ATP6V0A4: variants seen among roughly 807,000 people sequenced by gnomAD.
ATP6V0A4 encodes the protein ATPase H+ transporting V0 subunit a4, also known as V-type proton ATPase 116 kDa subunit a 4.
In ATP6V0A4, 86 loss-of-function variants were observed where a neutral mutation model predicts 107.3. The observed-to-expected ratio is 0.80, with a 90% CI of 0.67 to 0.96. The LOEUF (loss-of-function observed/expected upper bound fraction) is 0.96, where lower values mean the gene tolerates loss of function less well. Ranked by LOEUF, ATP6V0A4 falls within the 40% of genes least tolerant of loss-of-function variation. ATP6V0A4 has a pLI of 0.00. For synonymous variants in ATP6V0A4, 353 were observed against 381.4 expected (o/e 0.93, Z 0.87); for missense variants, 908 against 1,045.6 (o/e 0.87, Z 1.81).
At chr7:138,760,401 C>T (rs1228476515) in intron 7 of ATP6V0A4, among the ~76,000 whole-genome samples, 1 of 145,444 alleles carries the variant, frequency 6.9e-6, no homozygotes, top group Non-Finnish European at 1.5e-5. Flanking sequence ...CAAGAATGTG[C>T]CATTGCACTC....
intron 5 of ATP6V0A4, among the ~76,000 whole-genome samples, chr7:138,767,339 A>G (rs1213876385): frequency 6.6e-6 from 1 of 152,134 alleles, no homozygotes; most frequent in Non-Finnish European, 1.5e-5. Flanking sequence ...CCTGGACAAC[A>G]TGGTGAAACC....
At chr7:138,750,735 C>T (rs1806180978) in intron 11 of ATP6V0A4, among the ~76,000 whole-genome samples, 1 of 152,206 alleles carries the variant, frequency 6.6e-6, no homozygotes, top group Non-Finnish European at 1.5e-5. Flanking sequence ...TCCTCCAGGA[C>T]GCACCCCCGC....
chr7:138,730,931 C>CTTCTTTT (rs1554392929), intron 17 of ATP6V0A4, among the ~76,000 whole-genome samples: 4,654 of 123,486 alleles, frequency 0.038, 207 homozygotes, highest in East Asian at 0.09. Flanking sequence ...TCTTCTTCTT[C>CTTCTTTT]TTTTTTTATT....
At chr7:138,737,743 G>A (rs1418029529) in intron 15 of ATP6V0A4, among the ~76,000 whole-genome samples, 3 of 146,782 alleles carry the variant, frequency 2.0e-5, no homozygotes, top group Non-Finnish European at 3.0e-5. Context: ...TACCATGCCT[G>A]GCTAATTTTG....
At chr7:138,727,201 C>T (rs1487224090) in intron 18 of ATP6V0A4, among the ~76,000 whole-genome samples, 1 of 151,560 alleles carries the variant, frequency 6.6e-6, no homozygotes, top group Non-Finnish European at 1.5e-5. Flanking sequence ...ATGGCTTGAG[C>T]CCGGGAGTCG....
At chr7:138,721,398 G>C (rs534363799) in intron 19 of ATP6V0A4, among the ~76,000 whole-genome samples, 1 of 152,084 alleles carries the variant, frequency 6.6e-6, no homozygotes, top group Non-Finnish European at 1.5e-5. Context: ...AATTAACCGG[G>C]TGCAGTGGCG....
At chr7:138,781,742 C>A (rs905172445) in intron 2 of ATP6V0A4, among the ~76,000 whole-genome samples, 1 of 152,136 alleles carries the variant, frequency 6.6e-6, no homozygotes, top group East Asian at 1.9e-4. Flanking sequence ...GTTAGGACTC[C>A]AGTATGATGT....
intron 18 of ATP6V0A4, among the ~76,000 whole-genome samples, chr7:138,726,572 T>C (rs1019439742): frequency 1.3e-5 from 2 of 152,224 alleles, no homozygotes; most frequent in Non-Finnish European, 2.9e-5. Context: ...CCTGTTCATA[T>C]CACCTGAAGT....
In ATP6V0A4 at chr7:138,739,642, G is replaced by C; in HGVS notation, c.1479-9C>G. ...CCTCCATTACATGAGTACTTTAGAG[G>C]GAGAAAAGGAGAAAAACAAACAATG... On this transcript the variant is annotated splice_polypyrimidine_tract_variant and intron_variant, in intron 14 of 21. Coordinates refer to ENST00000310018, the MANE Select transcript of ATP6V0A4 (RefSeq NM_020632.3). 3.7e-6 allele frequency: 6 copies of C among 1,613,856 alleles called. No individual in the cohort carries two copies. Among genetic ancestry groups the C allele is most frequent in the Non-Finnish European group, 5.1e-6 (6 of 1,179,944 alleles).
At chr7:138,707,292 T>TA (rs1803474896) in intron 21 of ATP6V0A4, among the ~76,000 whole-genome samples, 2 of 91,026 alleles carry the variant, frequency 2.2e-5, no homozygotes, top group Admixed American at 3.9e-4. Flanking sequence ...AATAATTATA[T>TA]TATAAATATA....
In ATP6V0A4 at chr7:138,745,218, G is replaced by A. The variant is rs1805851139; in HGVS notation, c.1383C>T (p.Tyr461=). The change falls in exon 14 of 22, where the codon TAC becomes TAT. Residue 461 remains tyrosine, a synonymous_variant. Transcript: ENST00000310018. ...LILLMGIFSI[Y]TGLIYNDCFS... ...AGCAGTCATTGTAGATCAAACCCGT[G>A]TAGATGGAGAAGATGCCCATAAGTA... is the stretch of plus-strand genomic sequence containing the variant. The A allele has an allele frequency of 6.2e-7, 1 of 1,614,072 alleles. No individual in the cohort carries two copies. Among genetic ancestry groups the A allele is most frequent in the East Asian group, 2.2e-5 (1 of 44,896 alleles).
At position 138,780,917 on chromosome 7, in the gene ATP6V0A4, TA is replaced by T. The variant is rs908175147; in HGVS notation, c.-18+5240del. Among the ~76,000 whole-genome samples the T allele has an allele frequency of 6.1e-5, 9 of 148,210 alleles. No homozygotes were observed. The East Asian group carries it at 7.9e-4, about 13-fold the overall frequency. On this transcript the variant is annotated intron_variant, in intron 2 of 21. Coordinates refer to ENST00000310018, the MANE Select transcript of ATP6V0A4 (RefSeq NM_020632.3). ...CAGACTTTGCCTCAAAAAGAAAAAA[TA>T]AAAAAAAAATTAAAAAAAAGAAATT... is the stretch of plus-strand genomic sequence containing the variant.
chr7:138,731,587 T>C (rs1805018140), intron 17 of ATP6V0A4, among the ~76,000 whole-genome samples: 1 of 152,154 alleles, frequency 6.6e-6, no homozygotes. Flanking sequence ...ATAGGATTTG[T>C]ATACCTTTTA....
chr7:138,784,267 C>CATAT (rs60959857), intron 2 of ATP6V0A4, among the ~76,000 whole-genome samples: 3 of 119,328 alleles, frequency 2.5e-5, no homozygotes, highest in Non-Finnish European at 4.9e-5. Context: ...TATATATATA[C>CATAT]ATATATATAT....
intron 13 of ATP6V0A4, among the ~76,000 whole-genome samples, chr7:138,746,599 G>C (rs1584921075): frequency 1.3e-5 from 2 of 151,960 alleles, no homozygotes; most frequent in Admixed American, 1.3e-4. Context: ...CACCTCCCGG[G>C]TTCAAGTAAT....
chr7:138,785,540 G>T (rs188672636), intron 2 of ATP6V0A4, among the ~76,000 whole-genome samples: 33 of 152,158 alleles, frequency 2.2e-4, no homozygotes, highest in African/African-American at 7.9e-4. Flanking sequence ...GCCTTCCAAA[G>T]TACTGGGATT....
intron 14 of ATP6V0A4, among the ~76,000 whole-genome samples, chr7:138,744,762 G>A (rs1293327373): frequency 6.6e-6 from 1 of 151,982 alleles, no homozygotes; most frequent in East Asian, 1.9e-4. Flanking sequence ...GAGTGCAGTG[G>A]CGCAATCTCA....
At chr7:138,759,399 G>A (rs540610587) in intron 8 of ATP6V0A4, among the ~76,000 whole-genome samples, 118 of 152,064 alleles carry the variant, frequency 7.8e-4, no homozygotes, top group Middle Eastern at 3.4e-3. Flanking sequence ...CTCTATGCTC[G>A]CGTGCACATT....
At chr7:138,718,052 G>GAA (rs2117199722) in intron 19 of ATP6V0A4, among the ~76,000 whole-genome samples, 1 of 134,142 alleles carries the variant, frequency 7.5e-6, no homozygotes, top group Non-Finnish European at 1.6e-5. Context: ...GAGTGGGGGG[G>GAA]TACAGTCACG....
Sources: gnomAD v4.1 joint callset for allele counts (sites outside exome capture counted in the v4.1 genomes callset) on GRCh38, gnomAD v4.1.1 for gene constraint, MANE v1.5 for transcripts, NCBI Gene and HGNC (gene_info 2026-07-23, HGNC 2026-07-21) for gene names.